The following TMEM131L variants were observed in gnomAD, a reference collection of about 807,000 sequenced individuals.
The protein encoded by TMEM131L is transmembrane 131 like, also known as transmembrane protein 131-like.
In TMEM131L, 54 loss-of-function variants were observed where a neutral mutation model predicts 192.2. The ratio of observed to expected loss-of-function variants is 0.28; its 90% CI spans 0.23 to 0.35. The LOEUF (loss-of-function observed/expected upper bound fraction) is 0.35. Among genes scored for constraint, TMEM131L ranks in the 10% least tolerant of loss-of-function variants. The pLI is 1.00. For missense variants in TMEM131L, 1,888 were observed against 1,972.9 expected (o/e 0.96, Z 0.82); for synonymous variants, 701 against 704.9 (o/e 0.99, Z 0.09).
intron 7 of TMEM131L, among the ~76,000 whole-genome samples, chr4:153,570,238 T>C (rs1729495234): frequency 6.6e-6 from 1 of 152,174 alleles, no homozygotes; most frequent in Non-Finnish European, 1.5e-5. Flanking sequence ...CCAAAAAAAT[T>C]GGAAAACGTG....
chr4:153,604,206 T>G lies in TMEM131L; in HGVS notation c.3194T>G (p.Ile1065Ser), dbSNP rs771040409. 6.2e-7 allele frequency: 1 copy of G among 1,614,060 alleles called. No individual in the cohort carries two copies. The highest frequency in any genetic ancestry group is 1.7e-5 in the Admixed American group (1 of 60,030). The change falls in exon 25 of 35, where the codon ATT becomes AGT. Residue 1065 changes from isoleucine to serine, a missense_variant. Transcript: ENST00000409959. ...NKEENTLKNT[I>S]VFSNPSSECS... ...GAAGAAAACACACTGAAAAACACAA[T>G]TGTTTTCAGTAATCCTTCTTCAGAA...
intron 7 of TMEM131L, among the ~76,000 whole-genome samples, chr4:153,563,404 T>A (rs1327324415): frequency 6.6e-6 from 1 of 150,838 alleles, no homozygotes; most frequent in African/African-American, 2.4e-5. Flanking sequence ...GCTGCAAACT[T>A]AGCAAAATTC....
rs1453939137 is a variant in TMEM131L, at chr4:153,602,276, C to T, written c.2391C>T (p.Phe797=). The T allele has an allele frequency of 6.8e-6, 11 of 1,613,726 alleles. No individual in the cohort carries two copies. The highest frequency in any genetic ancestry group is 9.3e-6 in the Non-Finnish European group (11 of 1,179,930). ...GGTATAACTGCCAAGGTTATGGATT[C>T]GAGGTGCTGGATTGTCATCAGTTTT... The part of the protein sequence containing the change: ...INGYNCQGYG[F]EVLDCHQFSL... The change falls in exon 22 of 35, where the codon TTC becomes TTT. Residue 797 remains phenylalanine (F), a synonymous_variant. Transcript: ENST00000409959.
Position 153,602,349 on chromosome 4 carries a change from G to A in TMEM131L, c.2453+11G>A, listed in dbSNP as rs1203622105. On this transcript the variant is annotated intron_variant, in intron 22 of 34. Coordinates refer to ENST00000409959, the MANE Select transcript of TMEM131L (RefSeq NM_001131007.2). ...CGATATCAGCATTGTGTAAGCATTGGGCTTTAACTTGATTTCAGTTTTGTG... is the reference window on the plus strand; with the variant it reads ...CGATATCAGCATTGTGTAAGCATTGAGCTTTAACTTGATTTCAGTTTTGTG... 1 of 1,604,192 alleles carries A rather than the reference G, an allele frequency of 6.2e-7. No homozygotes were observed. Among genetic ancestry groups the A allele is most frequent in the Non-Finnish European group, 8.5e-7 (1 of 1,177,866 alleles).
intron 7 of TMEM131L, among the ~76,000 whole-genome samples, chr4:153,567,018 GGT>G (rs1230922841): frequency 2.6e-5 from 4 of 152,200 alleles, no homozygotes; most frequent in African/African-American, 9.7e-5. Flanking sequence ...TTTGGCCTGG[GGT>G]GGGTGCCTCA....
chr4:153,557,633 C>T (rs1264441065), intron 6 of TMEM131L, among the ~76,000 whole-genome samples: 2 of 152,104 alleles, frequency 1.3e-5, no homozygotes, highest in Non-Finnish European at 1.5e-5. Flanking sequence ...TGGCATTTAA[C>T]AAGATCTGGC....
intron 2 of TMEM131L, among the ~76,000 whole-genome samples, chr4:153,473,064 C>G (rs1731268102): frequency 6.6e-6 from 1 of 152,248 alleles, no homozygotes. Context: ...AAATTGGAGC[C>G]CAGGTGCTTG....
chr4:153,580,955 TTAAAAA>T (rs772215157), intron 8 of TMEM131L, 52 bp downstream of exon 8: 23 of 1,326,306 alleles, frequency 1.7e-5, no homozygotes. Flanking sequence ...GCCTCTTTGC[TTAAAAA>T]TAAAACACAA....
chr4:153,612,049 A>G (rs917935053), intron 25 of TMEM131L, among the ~76,000 whole-genome samples: 1 of 152,006 alleles, frequency 6.6e-6, no homozygotes, highest in Admixed American at 6.6e-5. Flanking sequence ...GACCTCTTTT[A>G]AAGACTTTTT....
rs575832226 is a variant in TMEM131L, at chr4:153,501,943, GTT to G, written c.239+28077_239+28078del. On this transcript the variant is annotated intron_variant, in intron 3 of 34. Transcript: ENST00000409959. The stretch of plus-strand genomic sequence containing the variant: ...ACTTCCTGGAAGTATCCCCCAAAGG[GTT>G]TTTTTTTTTTTTTTTTTTTTTAAAT... Among the ~76,000 whole-genome samples the G allele has an allele frequency of 6.4e-4, 75 of 117,344 alleles. 1 individual carries two copies. The highest frequency in any genetic ancestry group is 6.6e-4 in the Non-Finnish European group (39 of 59,250). 77.0% of individuals were successfully genotyped at this position (117,344 alleles called of 152,430 possible). A position where few individuals can be genotyped will look rare whatever the true frequency, so the allele number is the denominator to read the frequency against.
intron 3 of TMEM131L, among the ~76,000 whole-genome samples, chr4:153,527,192 A>G (rs1318285487): frequency 6.6e-6 from 1 of 152,142 alleles, no homozygotes; most frequent in Non-Finnish European, 1.5e-5. Context: ...GACAATAGTA[A>G]ATGAATCTTG....
At chr4:153,602,957 C>T (rs981087200) in intron 23 of TMEM131L, among the ~76,000 whole-genome samples, 27 of 152,082 alleles carry the variant, frequency 1.8e-4, no homozygotes, top group African/African-American at 5.6e-4. Flanking sequence ...CAGTTGTGCT[C>T]CATATATAGT....
At chr4:153,596,224 G>A in intron 19 of TMEM131L, 34 bp from the exon 20 acceptor site, 1 of 1,610,514 alleles carries the variant, frequency 6.2e-7, no homozygotes, top group South Asian at 1.1e-5. Context: ...TTGCTTTCTA[G>A]GAGTATGACA....
intron 3 of TMEM131L, among the ~76,000 whole-genome samples, chr4:153,533,512 A>G (rs1253775276): frequency 1.3e-5 from 2 of 152,230 alleles, no homozygotes; most frequent in Non-Finnish European, 2.9e-5. Flanking sequence ...TATTCATTCA[A>G]GCAGTGGAAC....
At chr4:153,478,937 G>T (rs1261160110) in intron 3 of TMEM131L, among the ~76,000 whole-genome samples, 1 of 152,204 alleles carries the variant, frequency 6.6e-6, no homozygotes, top group Non-Finnish European at 1.5e-5. Context: ...CAAAATGAAT[G>T]CATTGTCTCT....
intron 18 of TMEM131L, among the ~76,000 whole-genome samples, chr4:153,592,941 T>C (rs946974487): frequency 2.6e-5 from 4 of 152,206 alleles, no homozygotes; most frequent in East Asian, 3.9e-4. Flanking sequence ...TTTAGTCCAA[T>C]TGGCCCTCCA....
chr4:153,522,851 C>T (rs1410406770), intron 3 of TMEM131L, among the ~76,000 whole-genome samples: 2 of 152,156 alleles, frequency 1.3e-5, no homozygotes, highest in Non-Finnish European at 2.9e-5. Context: ...CCCCATCCTC[C>T]CACTATCACT....
In TMEM131L at chr4:153,591,171, G is replaced by T. The variant is rs200596505; in HGVS notation, c.1789G>T (p.Ala597Ser). ...AEPGLMLNFSATALRSRMIKY... is the reference protein window; with the variant it reads ...AEPGLMLNFSSTALRSRMIKY... ...GCCTGGCCTCATGTTAAACTTCAGC[G>T]CAACTGCCCTTAGGAGCAGGATGGT... Residue 597 changes from alanine (A) to serine (S), a missense_variant, in exon 17 of 35, where the codon GCA becomes TCA. Physicochemically the swap from Ala to Ser is moderately conservative, Grantham distance 99. Coordinates refer to ENST00000409959, the MANE Select transcript of TMEM131L (RefSeq NM_001131007.2). 3 of 1,606,766 alleles carry T rather than the reference G, an allele frequency of 1.9e-6. No homozygotes were observed. Among genetic ancestry groups the T allele is most frequent in the South Asian group, 2.2e-5 (2 of 90,190 alleles).
intron 3 of TMEM131L, among the ~76,000 whole-genome samples, chr4:153,547,734 G>T (rs573073069): frequency 2.6e-4 from 40 of 152,320 alleles, no homozygotes; most frequent in Middle Eastern, 3.4e-3. Flanking sequence ...GACTGCATCG[G>T]TTCCTTGGAT....
Sources: allele counts gnomAD v4.1 joint callset (sites outside exome capture counted in the v4.1 genomes callset), GRCh38; gene constraint gnomAD v4.1.1; transcripts MANE v1.5; gene names NCBI Gene and HGNC (gene_info 2026-07-23, HGNC 2026-07-21).